FOXP1: variants seen among roughly 807,000 people sequenced by gnomAD.
FOXP1 encodes the protein forkhead box P1.
Under a neutral mutation model 98.2 loss-of-function variants are expected in FOXP1, and 15 were observed. That is an observed-to-expected ratio of 0.15 (90% CI 0.10 to 0.24). FOXP1 has a LOEUF of 0.24. Among genes scored for constraint, FOXP1 ranks in the 10% least tolerant of loss-of-function variants. The pLI is 1.00. For synonymous variants in FOXP1, 371 were observed against 314.5 expected (o/e 1.18, Z -1.90); for missense variants, 633 against 848.5 (o/e 0.75, Z 3.15).
At chr3:71,572,650 A>C (rs1006306793) in intron 2 of FOXP1, 5 of 152,234 alleles carry the variant, frequency 3.3e-5, no homozygotes, top group Non-Finnish European at 7.3e-5. Flanking sequence ...GAACTACACA[A>C]GATGAAAACC....
At chr3:71,527,563 T>C (rs1414712975) in intron 2 of FOXP1, among the ~76,000 whole-genome samples, 2 of 152,218 alleles carry the variant, frequency 1.3e-5, no homozygotes, top group Non-Finnish European at 2.9e-5. Flanking sequence ...AAGGTCTACA[T>C]AGACCTAGCT....
At chr3:71,042,091 T>C (rs1017922553) in intron 10 of FOXP1, among the ~76,000 whole-genome samples, 1 of 152,216 alleles carries the variant, frequency 6.6e-6, no homozygotes, top group Non-Finnish European at 1.5e-5. Context: ...TATGATTATT[T>C]CATTAACACA....
chr3:71,171,325 T>C (rs2108218048), intron 6 of FOXP1, among the ~76,000 whole-genome samples: 1 of 152,324 alleles, frequency 6.6e-6, no homozygotes, highest in South Asian at 2.1e-4. Flanking sequence ...ATCACATTAC[T>C]ACCAGACAGA....
At chr3:71,365,747 G>C (rs1456689605) in intron 3 of FOXP1, among the ~76,000 whole-genome samples, 1 of 152,204 alleles carries the variant, frequency 6.6e-6, no homozygotes, top group African/African-American at 2.4e-5. Context: ...CACTTTGGGA[G>C]GCCAAGCCCG....
At chr3:71,563,203 T>C (rs1347988997) in intron 2 of FOXP1, among the ~76,000 whole-genome samples, 1 of 152,222 alleles carries the variant, frequency 6.6e-6, no homozygotes, top group African/African-American at 2.4e-5. Context: ...AGGGGAGAGA[T>C]GCAAAAGCTC....
intron 12 of FOXP1, among the ~76,000 whole-genome samples, chr3:71,014,226 A>C (rs1311348526): frequency 1.3e-5 from 2 of 152,226 alleles, no homozygotes; most frequent in East Asian, 3.8e-4. Context: ...CAACCTACAG[A>C]ATGGGAGAAA....
At chr3:71,439,982 T>C (rs1327508973) in intron 3 of FOXP1, among the ~76,000 whole-genome samples, 1 of 148,682 alleles carries the variant, frequency 6.7e-6, no homozygotes, top group Non-Finnish European at 1.5e-5. Context: ...AAGTTCTGAA[T>C]CCTGCTGTAA....
At chr3:71,311,320 G>A (rs2074667406) in intron 4 of FOXP1, among the ~76,000 whole-genome samples, 3 of 152,156 alleles carry the variant, frequency 2.0e-5, no homozygotes, top group Non-Finnish European at 2.9e-5. Flanking sequence ...GAATTCCTGG[G>A]TTCAAGTGAT....
chr3:71,059,031 TA>T (rs1487578034), intron 7 of FOXP1, among the ~76,000 whole-genome samples: 1 of 152,228 alleles, frequency 6.6e-6, no homozygotes, highest in Non-Finnish European at 1.5e-5. Flanking sequence ...ATGGTTATTA[TA>T]TTAATGCAAA....
chr3:71,263,098 G>A (rs2069314529), intron 5 of FOXP1, among the ~76,000 whole-genome samples: 1 of 152,152 alleles, frequency 6.6e-6, no homozygotes, highest in Non-Finnish European at 1.5e-5. Flanking sequence ...TAAGGTCAGT[G>A]TTTTTCCAAC....
chr3:71,274,736 G>A (rs890508701), intron 5 of FOXP1, among the ~76,000 whole-genome samples: 1 of 152,204 alleles, frequency 6.6e-6, no homozygotes, highest in Non-Finnish European at 1.5e-5. Flanking sequence ...TGGAAGTAAA[G>A]GCTGGGTAGA....
intron 14 of FOXP1, among the ~76,000 whole-genome samples, chr3:70,986,890 C>A (rs1334922437): frequency 6.6e-6 from 1 of 152,142 alleles, no homozygotes; most frequent in African/African-American, 2.4e-5. Context: ...TGGCAGGCTA[C>A]CATATTTGCT....
intron 5 of FOXP1, among the ~76,000 whole-genome samples, chr3:71,290,562 C>A (rs762298802): frequency 6.6e-6 from 1 of 152,128 alleles, no homozygotes. Flanking sequence ...GCTCCCAGAG[C>A]GATCCATTTA....
At chr3:71,286,194 CA>C (rs1227210946) in intron 5 of FOXP1, among the ~76,000 whole-genome samples, 1 of 152,126 alleles carries the variant, frequency 6.6e-6, no homozygotes, top group Non-Finnish European at 1.5e-5. Context: ...GTCATATATG[CA>C]AACCATCGTT....
intron 7 of FOXP1, among the ~76,000 whole-genome samples, chr3:71,056,486 T>A (rs1289234107): frequency 6.6e-6 from 1 of 152,168 alleles, no homozygotes; most frequent in Non-Finnish European, 1.5e-5. Context: ...GAGGTGCTGA[T>A]GAGTAATAAT....
At chr3:71,535,484 C>T (rs532879436) in intron 2 of FOXP1, among the ~76,000 whole-genome samples, 1 of 152,144 alleles carries the variant, frequency 6.6e-6, no homozygotes, top group African/African-American at 2.4e-5. Flanking sequence ...GCAGGTGGAT[C>T]ACTTGAGGCC....
chr3:71,460,062 T>TA (rs1199219945), intron 3 of FOXP1, among the ~76,000 whole-genome samples: 2 of 151,494 alleles, frequency 1.3e-5, no homozygotes, highest in African/African-American at 4.9e-5. Flanking sequence ...GCCTCCCAAG[T>TA]AGCTGGGACT....
rs2081441800 is a variant in FOXP1, at chr3:71,396,952, ATATATATATATG to A, written c.-167-37720_-167-37709del. On this transcript the variant is annotated intron_variant, in intron 3 of 20. Transcript: ENST00000649528. The stretch of plus-strand genomic sequence containing the variant: ...TATATATACACATATATATATGTGT[ATATATATATATG>A]TGTGTATATATATATATGTGTATAT... Among the ~76,000 whole-genome samples, 2 of 49,444 alleles carry A rather than the reference ATATATATATATG, an allele frequency of 4.0e-5. 1 individual carries two copies. Among genetic ancestry groups the A allele is most frequent in the African/African-American group, 1.7e-4 (2 of 11,702 alleles). The allele number at this position is 49,444 out of a possible 152,430, so 32.4% of individuals were successfully genotyped here. A position where few individuals can be genotyped will look rare whatever the true frequency, so the allele number is the denominator to read the frequency against.
intron 6 of FOXP1, among the ~76,000 whole-genome samples, chr3:71,157,994 G>A (rs960692579): frequency 1.3e-4 from 19 of 151,460 alleles, no homozygotes; most frequent in Admixed American, 3.9e-4. Flanking sequence ...AGGCTGAGGC[G>A]GGAGGATCGC....
Sources: gnomAD v4.1 joint callset for allele counts (sites outside exome capture counted in the v4.1 genomes callset) on GRCh38, gnomAD v4.1.1 for gene constraint, MANE v1.5 for transcripts, NCBI Gene and HGNC (gene_info 2026-07-23, HGNC 2026-07-21) for gene names.